The following KCNJ10 variants were observed in gnomAD, a reference collection of about 807,000 sequenced individuals.
The protein encoded by KCNJ10 is potassium inwardly rectifying channel subfamily J member 10, also known as ATP-sensitive inward rectifier potassium channel 10.
KCNJ10 carries 9 observed loss-of-function variants against 22.2 expected under a neutral mutation model. The ratio of observed to expected loss-of-function variants is 0.40; its 90% CI spans 0.24 to 0.71. The LOEUF is 0.71. Ranked by LOEUF, KCNJ10 falls within the 30% of genes least tolerant of loss-of-function variation. The pLI, the probability that KCNJ10 is intolerant of heterozygous loss-of-function variation, is 0.35. For synonymous variants in KCNJ10, 184 were observed against 187.3 expected (o/e 0.98, Z 0.15); for missense variants, 337 against 482.7 (o/e 0.70, Z 2.83).
In KCNJ10 at chr1:160,042,238, G is replaced by C; in HGVS notation, c.295C>G (p.Leu99Val). Residue 99 changes from leucine (L) to valine (V), a missense_variant, in exon 2 of 2, where the codon CTG becomes GTG. Leu to Val is a conservative substitution (Grantham distance 32, BLOSUM62 1). This residue lies in a region of KCNJ10 where 107 missense variants were observed against 135.2 expected (regional missense o/e 0.79). Transcript: ENST00000644903. Reference sequence around the variant, plus strand: ...GGGGTGTGGTTGGCCGGGGGGTCCAGCTCCAGCAGGTCCCCATGTGCCACA... The same window carrying C: ...GGGGTGTGGTTGGCCGGGGGGTCCACCTCCAGCAGGTCCCCATGTGCCACA... The part of the protein sequence containing the change: ...VAVAHGDLLE[L>V]DPPANHTPCV... 1 of 1,614,040 alleles carries C rather than the reference G, an allele frequency of 6.2e-7. No individual in the cohort carries two copies. The highest frequency in any genetic ancestry group is 8.5e-7 in the Non-Finnish European group (1 of 1,179,906).
intron 1 of KCNJ10, chr1:160,044,732 T>C (rs1648700482): frequency 6.6e-6 from 1 of 152,196 alleles, no homozygotes; most frequent in South Asian, 2.1e-4. Context: ...TGGCCTAATT[T>C]TGGCTGAGTG....
chr1:160,055,662 G>C (rs1026550131), intron 1 of KCNJ10, among the ~76,000 whole-genome samples: 1 of 152,124 alleles, frequency 6.6e-6, no homozygotes, highest in African/African-American at 2.4e-5. Flanking sequence ...ACACTGCATG[G>C]GTTGTGAACA....
At chr1:160,053,267 T>C (rs531975070) in intron 1 of KCNJ10, among the ~76,000 whole-genome samples, 67 of 152,284 alleles carry the variant, frequency 4.4e-4, no homozygotes, top group African/African-American at 1.5e-3. Flanking sequence ...TTATCTGTTT[T>C]TGGATACCAG....
At chr1:160,061,103 C>A (rs765649137) in intron 1 of KCNJ10, among the ~76,000 whole-genome samples, 1 of 152,154 alleles carries the variant, frequency 6.6e-6, no homozygotes, top group Admixed American at 6.5e-5. Context: ...CCTCACCATG[C>A]CCCCACTCCT....
In KCNJ10 at chr1:160,041,694, A is replaced by G; in HGVS notation, c.839T>C (p.Val280Ala). The change falls in exon 2 of 2, where the codon GTG becomes GCG. Residue 280 changes from valine to alanine, a missense_variant. Physicochemically the swap from Val to Ala is moderately conservative, Grantham distance 64. Transcript: ENST00000644903. This position sits in a 1 kb window ranked among gnomAD's most constrained non-coding sequence, Gnocchi z 4.4. ...CTCCACTGTCCCACTTAGGATCAGC[A>G]CCAGCTCAAAGTCACCCTCACCACT... is the stretch of plus-strand genomic sequence containing the variant. The part of the protein sequence containing the change: ...LRSGEGDFEL[V>A]LILSGTVEST... 1 of 1,614,150 alleles carries G rather than the reference A, an allele frequency of 6.2e-7. No individual in the cohort carries two copies. The highest frequency in any genetic ancestry group is 8.5e-7 in the Non-Finnish European group (1 of 1,180,016).
chr1:160,052,770 T>A (rs1254527160), intron 1 of KCNJ10, among the ~76,000 whole-genome samples: 1 of 152,202 alleles, frequency 6.6e-6, no homozygotes, highest in Non-Finnish European at 1.5e-5. Flanking sequence ...GCCTCTCGGA[T>A]CTGTATTTCC....
At chr1:160,047,060 A>G (rs1648758037) in intron 1 of KCNJ10, among the ~76,000 whole-genome samples, 1 of 152,216 alleles carries the variant, frequency 6.6e-6, no homozygotes, top group Non-Finnish European at 1.5e-5. Flanking sequence ...TCCCTCAGCA[A>G]GTACCACTCC....
intron 1 of KCNJ10, among the ~76,000 whole-genome samples, chr1:160,049,683 A>T (rs1272405474): frequency 8.2e-4 from 72 of 88,232 alleles, no homozygotes; most frequent in African/African-American, 3.1e-3. Context: ...ATTTATATAT[A>T]TATATATATA....
chr1:160,050,738 G>A (rs1648882113), intron 1 of KCNJ10, among the ~76,000 whole-genome samples: 1 of 152,058 alleles, frequency 6.6e-6, no homozygotes. Context: ...GAAGCGTTGG[G>A]AGCACATGAA....
rs565166030 is a variant in KCNJ10 at position 160,056,787 on chromosome 1, G to A, written c.-1+13235C>T. Among the ~76,000 whole-genome samples, 6 of 152,276 alleles carry A rather than the reference G, an allele frequency of 3.9e-5. No homozygotes were observed. In the East Asian group the frequency reaches 7.7e-4, roughly 20 times the overall value. ...CTCTGGGTGATTCTGGGCTAGGAAT[G>A]TCAACTATACAGCATGTGAGCCATC... On this transcript the variant is annotated intron_variant, in intron 1 of 1. Coordinates refer to ENST00000644903, the MANE Select transcript of KCNJ10 (RefSeq NM_002241.5).
chr1:160,042,497 G>T lies in KCNJ10; in HGVS notation c.36C>A (p.Thr12=), dbSNP rs200133371. 30 of 1,614,138 alleles carry T rather than the reference G, an allele frequency of 1.9e-5. No homozygotes were observed. In the East Asian group the frequency reaches 6.5e-4, roughly 35 times the overall value. ...TSVAKVYYSQ[T]TQTESRPLMG... ...TTAGGGGCCGGCTTTCTGTCTGAGT[G>T]GTCTGACTGTAATACACCTTGGCAA... Residue 12 remains threonine (T), a synonymous_variant, in exon 2 of 2, where the codon ACC becomes ACA. Coordinates refer to ENST00000644903, the MANE Select transcript of KCNJ10 (RefSeq NM_002241.5).
At chr1:160,061,126 G>A (rs116929322) in intron 1 of KCNJ10, among the ~76,000 whole-genome samples, 8 of 152,156 alleles carry the variant, frequency 5.3e-5, no homozygotes, top group African/African-American at 1.9e-4. Flanking sequence ...CCAAAAAAAG[G>A]TGGCTAAAAG....
chr1:160,066,559 G>A (rs1198266994), intron 1 of KCNJ10, among the ~76,000 whole-genome samples: 1 of 152,138 alleles, frequency 6.6e-6, no homozygotes, highest in Non-Finnish European at 1.5e-5. Context: ...TAGTCACTGT[G>A]CATCCTCACA....
chr1:160,063,251 G>C (rs966684367), intron 1 of KCNJ10, among the ~76,000 whole-genome samples: 6 of 152,226 alleles, frequency 3.9e-5, no homozygotes, highest in African/African-American at 9.6e-5. Context: ...CAAAGGGCAG[G>C]GCCAGAAGGC....
At chr1:160,064,482 G>A (rs1297397289) in intron 1 of KCNJ10, among the ~76,000 whole-genome samples, 1 of 152,152 alleles carries the variant, frequency 6.6e-6, no homozygotes, top group African/African-American at 2.4e-5. Context: ...CTTTAATACA[G>A]CTGTTTTTCA....
intron 1 of KCNJ10, chr1:160,064,733 C>A (rs1384062551): frequency 6.6e-6 from 1 of 152,274 alleles, no homozygotes; most frequent in Admixed American, 6.5e-5. Context: ...TTTTTTATCA[C>A]AGGGTCAACC....
At chr1:160,065,402 T>A (rs1044459593) in intron 1 of KCNJ10, among the ~76,000 whole-genome samples, 21 of 152,060 alleles carry the variant, frequency 1.4e-4, no homozygotes, top group African/African-American at 4.8e-4. Flanking sequence ...AGAGAAGAGA[T>A]GCCTTTGCCA....
chr1:160,057,905 G>A (rs559886373), intron 1 of KCNJ10, among the ~76,000 whole-genome samples: 2 of 152,210 alleles, frequency 1.3e-5, no homozygotes, highest in Admixed American at 1.3e-4. Context: ...GGACCTAGGG[G>A]GTGGAGGGCC....
chr1:160,053,070 C>G (rs1648940625), intron 1 of KCNJ10, among the ~76,000 whole-genome samples: 1 of 152,184 alleles, frequency 6.6e-6, no homozygotes, highest in Non-Finnish European at 1.5e-5. Flanking sequence ...ATTCCCTCTC[C>G]TCTGCCTTTC....
Sources: gnomAD v4.1 joint callset for allele counts (sites outside exome capture counted in the v4.1 genomes callset) on GRCh38, gnomAD v4.1.1 for gene constraint, gnomAD v4.1.1 regional missense constraint, Gnocchi (gnomAD v3.1) non-coding constraint, MANE v1.5 for transcripts, NCBI Gene and HGNC (gene_info 2026-07-23, HGNC 2026-07-21) for gene names.